HERC5: variants seen among roughly 807,000 people sequenced by gnomAD.
HERC5 encodes E3 ISG15--protein ligase HERC5.
In HERC5, 99 loss-of-function variants were observed where a neutral mutation model predicts 119.6. The observed-to-expected ratio is 0.83, with a 90% CI of 0.70 to 0.98. HERC5 has a LOEUF of 0.98. Ranked by LOEUF, HERC5 falls within the 50% of genes least tolerant of loss-of-function variation. The pLI is 0.00. For synonymous variants in HERC5, 478 were observed against 445.9 expected (o/e 1.07, Z -0.91); for missense variants, 1,267 against 1,241.3 (o/e 1.02, Z -0.31).
Position 88,499,845 on chromosome 4 carries a change from T to A in HERC5, c.2445-81T>A, listed in dbSNP as rs183749097. On this transcript the variant is annotated intron_variant, in intron 18 of 22. Transcript: ENST00000264350. Reference sequence around the variant, plus strand: ...TGACCTCATACCTTCAGAATAGCTATACACTTGACATTTATTTTAGATGCT... The same window carrying A: ...TGACCTCATACCTTCAGAATAGCTAAACACTTGACATTTATTTTAGATGCT... 519 of 965,418 alleles carry A rather than the reference T, an allele frequency of 5.4e-4. No individual in the cohort carries two copies. In the African/African-American group the frequency reaches 6.3e-3, roughly 12 times the overall value. The allele number at this position is 965,418 out of a possible 1,614,324, so 59.8% of individuals were successfully genotyped here.
chr4:88,485,696 G>A (rs756100413), intron 13 of HERC5, among the ~76,000 whole-genome samples: 5 of 152,018 alleles, frequency 3.3e-5, no homozygotes, highest in Non-Finnish European at 7.4e-5. Flanking sequence ...TGGGATGGAG[G>A]GTTGGAAAAT....
In HERC5 at chr4:88,472,393, T is replaced by G; in HGVS notation, c.1299-16T>G. 7.0e-7 allele frequency: 1 copy of G among 1,428,064 alleles called. No individual in the cohort carries two copies. The highest frequency in any genetic ancestry group is 1.2e-5 in the South Asian group (1 of 82,262). The allele number at this position is 1,428,064 out of a possible 1,614,324, so 88.5% of individuals were successfully genotyped here. A position where few individuals can be genotyped will look rare whatever the true frequency, so the allele number is the denominator to read the frequency against. ...AGATAATCTAACAAAATACTTAATTTATCTTTCTTCTACAGAAGAACTACA... is the reference window on the plus strand; with the variant it reads ...AGATAATCTAACAAAATACTTAATTGATCTTTCTTCTACAGAAGAACTACA... On this transcript the variant is annotated splice_polypyrimidine_tract_variant and intron_variant, in intron 10 of 22. Transcript: ENST00000264350.
chr4:88,462,437 G>T (rs1269639230), intron 4 of HERC5, 81 bp downstream of exon 4: 3 of 1,185,666 alleles, frequency 2.5e-6, no homozygotes, highest in Non-Finnish European at 3.7e-6. Flanking sequence ...GTCAAAAATG[G>T]TTCAAATCTT....
intron 6 of HERC5, 77 bp downstream of exon 6, chr4:88,464,062 A>C: frequency 1.5e-6 from 2 of 1,292,894 alleles, no homozygotes; most frequent in South Asian, 3.3e-5. Flanking sequence ...AATTTCTTTC[A>C]GTTTCTTTGA....
chr4:88,480,389 A>T (rs538122278), intron 13 of HERC5, among the ~76,000 whole-genome samples: 83 of 150,442 alleles, frequency 5.5e-4, no homozygotes, highest in African/African-American at 1.8e-3. Context: ...TACCATACTT[A>T]GCTTATCCAT....
At chr4:88,495,070 A>G (rs1224066717) in intron 18 of HERC5, among the ~76,000 whole-genome samples, 5 of 152,220 alleles carry the variant, frequency 3.3e-5, no homozygotes, top group African/African-American at 1.2e-4. Flanking sequence ...TTTTCAACTC[A>G]ACAATTCTAC....
At chr4:88,471,921 T>C (rs1322879338) in intron 10 of HERC5, among the ~76,000 whole-genome samples, 1 of 151,682 alleles carries the variant, frequency 6.6e-6, no homozygotes, top group African/African-American at 2.4e-5. Context: ...CTTTTTTCTA[T>C]GGCCCGCCCT....
chr4:88,474,062 C>G (rs1740965695), intron 11 of HERC5, among the ~76,000 whole-genome samples: 1 of 152,136 alleles, frequency 6.6e-6, no homozygotes, highest in African/African-American at 2.4e-5. Context: ...TTGCTGTGTG[C>G]TGGGCACTGT....
chr4:88,485,010 A>G (rs1167964048), intron 13 of HERC5, among the ~76,000 whole-genome samples: 11 of 152,114 alleles, frequency 7.2e-5, no homozygotes, highest in Admixed American at 7.2e-4. Context: ...CTATTGAAAA[A>G]CAATGGCTAT....
chr4:88,501,072 T>G (rs1741933694), intron 20 of HERC5, 87 bp downstream of exon 20: 9 of 854,054 alleles, frequency 1.1e-5, no homozygotes, highest in Non-Finnish European at 1.5e-5. Context: ...CTCTTTAATT[T>G]TTCATTCTCA....
At chr4:88,468,007 T>C in intron 7 of HERC5, 1 of 406,556 alleles carries the variant, frequency 2.5e-6, no homozygotes, top group East Asian at 1.5e-4. Context: ...CCAGCAGTCA[T>C]TGCTTAAATC....
Position 88,457,520 on chromosome 4 carries a change from G to T in HERC5, c.251G>T (p.Gly84Val). ...CACCAGCTGCTCGCCGGGAGCGGCG[G>T]CGCCCGGACGCCGAGTGAGTGGGGC... ...QVHQLLAGSG[G>V]ARTPKCIKLG... The change falls in exon 1 of 23, where the codon GGC becomes GTC. Residue 84 changes from glycine to valine, a missense_variant. Transcript: ENST00000264350. 7.9e-7 allele frequency: 1 copy of T among 1,272,396 alleles called. No homozygotes were observed. The highest frequency in any genetic ancestry group is 2.9e-5 in the South Asian group (1 of 35,024). 78.8% of individuals were successfully genotyped at this position (1,272,396 alleles called of 1,614,324 possible). A position where few individuals can be genotyped will look rare whatever the true frequency, so the allele number is the denominator to read the frequency against.
At chr4:88,493,682 C>G (rs1365184034) in intron 17 of HERC5, among the ~76,000 whole-genome samples, 1 of 152,110 alleles carries the variant, frequency 6.6e-6, no homozygotes, top group Middle Eastern at 3.2e-3. Flanking sequence ...TCTTAACTCA[C>G]TGCAACCTCC....
intron 11 of HERC5, chr4:88,473,283 T>G (rs1287157967): frequency 1.3e-5 from 2 of 152,210 alleles, no homozygotes; most frequent in African/African-American, 4.8e-5. Flanking sequence ...TAGTTCCTTC[T>G]TTCTTTCTCT....
intron 18 of HERC5, among the ~76,000 whole-genome samples, chr4:88,496,579 A>G (rs1037060781): frequency 6.6e-6 from 1 of 152,012 alleles, no homozygotes; most frequent in African/African-American, 2.4e-5. Context: ...GAAAAAAATG[A>G]TATCTATCTG....
rs528212544 is a variant in HERC5 at position 88,492,429 on chromosome 4, G to T, written c.2134-583G>T. Among the ~76,000 whole-genome samples, 5 of 151,938 alleles carry T rather than the reference G, an allele frequency of 3.3e-5. No individual in the cohort carries two copies. In the South Asian group the frequency reaches 8.4e-4, roughly 25 times the overall value. Reference sequence around the variant, plus strand: ...AGTGGTAAAAACTTTAGGCTCTGGGGTTTGACTGATAAAGGATTAAATTTA... The same window carrying T: ...AGTGGTAAAAACTTTAGGCTCTGGGTTTTGACTGATAAAGGATTAAATTTA... On this transcript the variant is annotated intron_variant, in intron 16 of 22. Coordinates refer to ENST00000264350, the MANE Select transcript of HERC5 (RefSeq NM_016323.4).
At chr4:88,497,101 C>G (rs188361868) in intron 18 of HERC5, among the ~76,000 whole-genome samples, 1 of 152,282 alleles carries the variant, frequency 6.6e-6, no homozygotes, top group East Asian at 1.9e-4. Flanking sequence ...CAATAAATTT[C>G]TATTTATAGA....
At chr4:88,501,099 AAGGC>A in intron 20 of HERC5, 114 bp downstream of exon 20, 1 of 664,490 alleles carries the variant, frequency 1.5e-6, no homozygotes, top group Non-Finnish European at 2.6e-6. Context: ...ATTTTTCACT[AAGGC>A]AGAGAAGTTG....
intron 6 of HERC5, 112 bp downstream of exon 6, chr4:88,464,097 G>T: frequency 1.3e-6 from 1 of 763,334 alleles, no homozygotes; most frequent in Non-Finnish European, 1.9e-6. Context: ...TTTCAAATCA[G>T]TGAAAATGCT....
Sources: allele counts gnomAD v4.1 joint callset (sites outside exome capture counted in the v4.1 genomes callset), GRCh38; gene constraint gnomAD v4.1.1; transcripts MANE v1.5; gene names NCBI Gene and HGNC (gene_info 2026-07-23, HGNC 2026-07-21).